The following PRKCH variants were observed in gnomAD, a reference collection of about 807,000 sequenced individuals.
PRKCH encodes the protein protein kinase C eta, also known as protein kinase C eta type.
Under a neutral mutation model 82.5 loss-of-function variants are expected in PRKCH, and 28 were observed. The ratio of observed to expected loss-of-function variants is 0.34; its 90% confidence interval spans 0.25 to 0.47. The LOEUF is 0.47. PRKCH is among the 20% of genes least tolerant of loss of function. The pLI is 1.00. For missense variants in PRKCH, 705 were observed against 881.8 expected (o/e 0.80, Z 2.54); for synonymous variants, 322 against 327.4 (o/e 0.98, Z 0.18).
At position 61,346,292 on chromosome 14, in the gene PRKCH, G is replaced by A. The variant is rs575567722; in HGVS notation, c.363+23828G>A. Among the ~76,000 whole-genome samples the A allele has an allele frequency of 2.6e-5, 4 of 152,186 alleles. No homozygotes were observed. The East Asian group carries it at 7.7e-4, about 29-fold the overall frequency. On this transcript the variant is annotated intron_variant, in intron 1 of 13. Transcript: ENST00000332981. ...ATATCTCCCCTTAAACATTGTGCTG[G>A]CTACACTATCCATTTCTATAATACC...
chr14:61,288,449 T>C (rs1046535853), intron 1 of PRKCH, among the ~76,000 whole-genome samples: 1 of 152,132 alleles, frequency 6.6e-6, no homozygotes, highest in African/African-American at 2.4e-5. Context: ...AATGCAAAAA[T>C]ACCTTGGCCC....
At chr14:61,365,399 A>T (rs1441231366) in intron 1 of PRKCH, among the ~76,000 whole-genome samples, 6 of 152,110 alleles carry the variant, frequency 3.9e-5, no homozygotes, top group Non-Finnish European at 8.8e-5. Flanking sequence ...AAGTCATTTC[A>T]TAATGTTTGC....
intron 2 of PRKCH, among the ~76,000 whole-genome samples, chr14:61,426,024 T>C (rs374963942): frequency 1.3e-3 from 196 of 152,356 alleles, no homozygotes; most frequent in African/African-American, 4.5e-3. Context: ...TTGAGGCCTT[T>C]CCAGCCATGT....
chr14:61,423,310 C>A (rs1048651649), intron 2 of PRKCH, among the ~76,000 whole-genome samples: 1 of 152,158 alleles, frequency 6.6e-6, no homozygotes, highest in African/African-American at 2.4e-5. Context: ...TTACGACAGA[C>A]CCTGGAGGAT....
intron 1 of PRKCH, among the ~76,000 whole-genome samples, chr14:61,233,815 ACT>A (rs952635537): frequency 6.6e-6 from 1 of 152,224 alleles, no homozygotes; most frequent in African/African-American, 2.4e-5. Context: ...GCCATGCTGA[ACT>A]GTGAGTCAAT....
At chr14:61,272,102 C>A (rs1029006461) in intron 1 of PRKCH, among the ~76,000 whole-genome samples, 1 of 151,766 alleles carries the variant, frequency 6.6e-6, no homozygotes, top group African/African-American at 2.4e-5. Context: ...GTGGCGGGCG[C>A]CTGTAGTCCC....
intron 1 of PRKCH, among the ~76,000 whole-genome samples, chr14:61,378,224 CTT>C (rs552301917): frequency 8.6e-5 from 12 of 139,394 alleles, no homozygotes; most frequent in Admixed American, 7.1e-5. Flanking sequence ...TTTTCTTTTT[CTT>C]TTTTTTTTTT....
chr14:61,538,390 A>C (rs566745726), intron 12 of PRKCH, among the ~76,000 whole-genome samples: 3 of 152,220 alleles, frequency 2.0e-5, no homozygotes, highest in Admixed American at 1.3e-4. Context: ...TGCAGAAAAC[A>C]GAAAAACACT....
chr14:61,291,323 C>CA (rs2045359571), intron 1 of PRKCH, among the ~76,000 whole-genome samples: 1 of 96,692 alleles, frequency 1.0e-5, no homozygotes, highest in African/African-American at 3.6e-5. Flanking sequence ...CCCTCTGGTT[C>CA]TTTTTTTTTT....
chr14:61,417,076 C>T (rs1483207829), intron 2 of PRKCH, among the ~76,000 whole-genome samples: 2 of 152,068 alleles, frequency 1.3e-5, no homozygotes, highest in Non-Finnish European at 2.9e-5. Flanking sequence ...ACATAGGAGC[C>T]CTGAAATTCT....
At chr14:61,340,974 C>T (rs963562293) in intron 1 of PRKCH, among the ~76,000 whole-genome samples, 1 of 152,220 alleles carries the variant, frequency 6.6e-6, no homozygotes, top group African/African-American at 2.4e-5. Context: ...ACAATTACCA[C>T]ACTCGTTTGT....
intron 1 of PRKCH, among the ~76,000 whole-genome samples, chr14:61,221,710 C>T (rs4616194): frequency 0.067 from 10,165 of 152,206 alleles, 634 homozygotes; most frequent in Admixed American, 0.21. Context: ...TTCTAAGATT[C>T]TTTGGAAGGG....
intron 1 of PRKCH, chr14:61,281,870 CTTTTTTTTTTTTTTTTTTTTTT>C (rs71117807): frequency 2.1e-5 from 2 of 94,866 alleles, no homozygotes; most frequent in East Asian, 2.8e-4. Flanking sequence ...CAAATTTTAG[CTTTTTTTTTTTTTTTTTTTTTT>C]TTTTTTTTTA....
intron 10 of PRKCH, among the ~76,000 whole-genome samples, chr14:61,490,185 T>C (rs756463586): frequency 6.6e-6 from 1 of 152,176 alleles, no homozygotes; most frequent in African/African-American, 2.4e-5. Context: ...CGCCATCCCA[T>C]TTTGCAGATG....
chr14:61,299,968 G>A (rs1252769282), intron 1 of PRKCH: 1 of 152,146 alleles, frequency 6.6e-6, no homozygotes, highest in Non-Finnish European at 1.5e-5. Context: ...TCATCAGTTT[G>A]AATACTGTCT....
At chr14:61,539,392 C>CTAGAGGAACAGTATAGGGCAT (rs2043153270) in intron 12 of PRKCH, among the ~76,000 whole-genome samples, 1 of 152,112 alleles carries the variant, frequency 6.6e-6, no homozygotes, top group African/African-American at 2.4e-5. Flanking sequence ...CCCCTGCCCG[C>CTAGAGGAACAGTATAGGGCAT]TAGAGGAACA....
intron 9 of PRKCH, among the ~76,000 whole-genome samples, chr14:61,472,431 G>A (rs1885545616): frequency 6.6e-6 from 1 of 152,148 alleles, no homozygotes; most frequent in Non-Finnish European, 1.5e-5. Flanking sequence ...TGGTTGGATT[G>A]TACAAACAGA....
At chr14:61,368,921 T>C (rs1000611156) in intron 1 of PRKCH, among the ~76,000 whole-genome samples, 8 of 152,218 alleles carry the variant, frequency 5.3e-5, no homozygotes, top group South Asian at 2.1e-4. Flanking sequence ...TATTTACTTA[T>C]TCAGAAAGAT....
chr14:61,520,976 C>T (rs1001595034), intron 10 of PRKCH, among the ~76,000 whole-genome samples: 1 of 152,048 alleles, frequency 6.6e-6, no homozygotes, highest in Non-Finnish European at 1.5e-5. Context: ...TAAAACAACC[C>T]AAATGTTTAT....
Sources: gnomAD v4.1 joint callset for allele counts (sites outside exome capture counted in the v4.1 genomes callset) on GRCh38, gnomAD v4.1.1 for gene constraint, MANE v1.5 for transcripts, NCBI Gene and HGNC (gene_info 2026-07-23, HGNC 2026-07-21) for gene names.